Variants in TMC2 observed in about 807,000 individuals in gnomAD.
TMC2 encodes transmembrane channel-like protein 2.
TMC2 carries 102 observed loss-of-function variants against 105.9 expected under a neutral mutation model. The observed-to-expected ratio is 0.96, with a 90% confidence interval of 0.82 to 1.14. TMC2 has a LOEUF of 1.14. Ranked by LOEUF, TMC2 falls within the 50% of genes most tolerant of loss-of-function variation. The pLI is 0.00. For synonymous variants in TMC2, 402 were observed against 422.8 expected (o/e 0.95, Z 0.60); for missense variants, 1,093 against 1,134.3 (o/e 0.96, Z 0.52).
intron 4 of TMC2, among the ~76,000 whole-genome samples, chr20:2,568,766 A>T (rs149337223): frequency 3.3e-5 from 5 of 152,288 alleles, no homozygotes; most frequent in East Asian, 1.9e-4. Context: ...AAGGGGGGGA[A>T]CAGGGAGAAG....
At chr20:2,628,294 A>C (rs757423746) in intron 17 of TMC2, among the ~76,000 whole-genome samples, 6 of 152,040 alleles carry the variant, frequency 3.9e-5, no homozygotes, top group Non-Finnish European at 8.8e-5. Context: ...TTCTTCATAA[A>C]TTTCATGCAC....
intron 3 of TMC2, among the ~76,000 whole-genome samples, chr20:2,561,336 A>G (rs1366656799): frequency 6.6e-6 from 1 of 152,216 alleles, no homozygotes; most frequent in Non-Finnish European, 1.5e-5. Flanking sequence ...TGAAATATAA[A>G]TACAAATTAA....
chr20:2,542,355 G>GTA (rs2085895555), intron 2 of TMC2, among the ~76,000 whole-genome samples: 1 of 152,176 alleles, frequency 6.6e-6, no homozygotes, highest in Non-Finnish European at 1.5e-5. Flanking sequence ...GAAACGTGTG[G>GTA]TAAATAAGTG....
At chr20:2,623,726 A>G (rs989972901) in intron 16 of TMC2, among the ~76,000 whole-genome samples, 49 of 152,320 alleles carry the variant, frequency 3.2e-4, no homozygotes, top group African/African-American at 1.1e-3. Context: ...AATCTGCATA[A>G]TGGTTCTTAG....
At chr20:2,609,259 C>T (rs574518918) in intron 11 of TMC2, among the ~76,000 whole-genome samples, 1 of 152,140 alleles carries the variant, frequency 6.6e-6, no homozygotes, top group Admixed American at 6.5e-5. Flanking sequence ...ACACTCCCAG[C>T]AGTGGATTAG....
chr20:2,614,866 T>G (rs1053946546), intron 14 of TMC2, among the ~76,000 whole-genome samples: 5 of 151,964 alleles, frequency 3.3e-5, no homozygotes, highest in African/African-American at 1.2e-4. Context: ...TCATCTAGAT[T>G]AATTTTAGGC....
chr20:2,613,451 T>C, intron 14 of TMC2, 129 bp downstream of exon 14: 2 of 1,339,068 alleles, frequency 1.5e-6, no homozygotes, highest in Non-Finnish European at 2.1e-6. Context: ...CTCTGTAGAG[T>C]AGTAAAGTGT....
chr20:2,580,765 A>G (rs934222739), intron 7 of TMC2, among the ~76,000 whole-genome samples: 2 of 152,196 alleles, frequency 1.3e-5, no homozygotes, highest in African/African-American at 4.8e-5. Flanking sequence ...TAATCTTATT[A>G]TGGACATAAA....
intron 4 of TMC2, among the ~76,000 whole-genome samples, chr20:2,570,395 T>C (rs2086094864): frequency 1.3e-5 from 2 of 151,882 alleles, no homozygotes; most frequent in South Asian, 4.1e-4. Flanking sequence ...TACAATCCCA[T>C]TTACAATAGT....
chr20:2,581,387 G>T (rs1002457378), intron 7 of TMC2, among the ~76,000 whole-genome samples: 1 of 152,122 alleles, frequency 6.6e-6, no homozygotes, highest in Non-Finnish European at 1.5e-5. Context: ...GAAATCAAGG[G>T]TTCTGAGTCC....
chr20:2,542,107 C>T (rs1231556686), intron 2 of TMC2, among the ~76,000 whole-genome samples: 1 of 152,010 alleles, frequency 6.6e-6, no homozygotes, highest in Non-Finnish European at 1.5e-5. Context: ...TCAGTGACTA[C>T]AGGCTCTGTA....
At chr20:2,618,928 C>T (rs747167984) in intron 16 of TMC2, among the ~76,000 whole-genome samples, 1 of 152,198 alleles carries the variant, frequency 6.6e-6, no homozygotes, top group Non-Finnish European at 1.5e-5. Context: ...GCATGGATCA[C>T]TCATCCAGGG....
At chr20:2,639,866 T>A (rs912937132) in intron 19 of TMC2, among the ~76,000 whole-genome samples, 6 of 152,276 alleles carry the variant, frequency 3.9e-5, no homozygotes, top group Admixed American at 1.3e-4. Flanking sequence ...TCTGAGATGA[T>A]CCCATTTTCC....
intron 4 of TMC2, among the ~76,000 whole-genome samples, chr20:2,564,712 C>T (rs564847651): frequency 1.3e-5 from 2 of 152,220 alleles, no homozygotes; most frequent in African/African-American, 2.4e-5. Flanking sequence ...CTGACATCTC[C>T]TTCCTGCCTC....
At chr20:2,554,427 T>C (rs2085974505) in intron 2 of TMC2, among the ~76,000 whole-genome samples, 4 of 152,206 alleles carry the variant, frequency 2.6e-5, no homozygotes, top group Admixed American at 2.6e-4. Flanking sequence ...CATCGTTTTC[T>C]TGTGTTCAAT....
chr20:2,616,000 T>G, intron 14 of TMC2, 137 bp from the exon 15 acceptor site: 1 of 601,884 alleles, frequency 1.7e-6, no homozygotes, highest in Non-Finnish European at 2.9e-6. Flanking sequence ...CTAAGGTTCT[T>G]CTCTAGTTAC....
At chr20:2,563,808 C>T (rs1217315113) in intron 4 of TMC2, among the ~76,000 whole-genome samples, 1 of 152,178 alleles carries the variant, frequency 6.6e-6, no homozygotes, top group Non-Finnish European at 1.5e-5. Flanking sequence ...CTCACTGTGG[C>T]CTTGAATTCC....
At chr20:2,557,133 T>C (rs571648100) in intron 2 of TMC2, among the ~76,000 whole-genome samples, 2 of 152,366 alleles carry the variant, frequency 1.3e-5, no homozygotes, top group South Asian at 2.1e-4. Flanking sequence ...TCATTAATAT[T>C]AGAAAATTCT....
chr20:2,640,321 C>A lies in TMC2; in HGVS notation c.2504-813C>A, dbSNP rs376602567. Among the ~76,000 whole-genome samples the A allele has an allele frequency of 2.0e-4, 30 of 152,196 alleles. No individual in the cohort carries two copies. The East Asian group carries it at 5.8e-3, about 29-fold the overall frequency. On this transcript the variant is annotated intron_variant, in intron 19 of 19. Coordinates refer to ENST00000358864, the MANE Select transcript of TMC2 (RefSeq NM_080751.3). ...TGAACTTTTTTTTTATACAAGCATT[C>A]CAATTTCTTAGTAACTGGAATTTTA...
Sources: gnomAD v4.1 joint callset for allele counts (sites outside exome capture counted in the v4.1 genomes callset) on GRCh38, gnomAD v4.1.1 for gene constraint, MANE v1.5 for transcripts, NCBI Gene and HGNC (gene_info 2026-07-23, HGNC 2026-07-21) for gene names.